Variants in CAND1 observed in about 807,000 individuals in gnomAD.
CAND1 encodes cullin associated and neddylation dissociated 1, also known as cullin-associated NEDD8-dissociated protein 1.
Under a neutral mutation model 108.5 loss-of-function variants are expected in CAND1, and 7 were observed. The observed-to-expected ratio is 0.06, with a 90% CI of 0.04 to 0.12. The LOEUF (loss-of-function observed/expected upper bound fraction) is 0.12. CAND1 is among the 10% of genes least tolerant of loss of function. The pLI is 1.00. For synonymous variants in CAND1, 534 were observed against 512.0 expected, an observed-to-expected ratio of 1.04 and a Z score of -0.58; for missense variants, 941 against 1,448.7, an observed-to-expected ratio of 0.65 and a Z score of 5.69.
chr12:67,279,165 C>G (rs563859917), intron 1 of CAND1, among the ~76,000 whole-genome samples: 285 of 114,010 alleles, frequency 2.5e-3, no homozygotes, highest in Admixed American at 4.3e-3. Context: ...CTCTGTCCTT[C>G]CCCACCACCA....
At chr12:67,277,840 C>T (rs2044584114) in intron 1 of CAND1, among the ~76,000 whole-genome samples, 1 of 152,122 alleles carries the variant, frequency 6.6e-6, no homozygotes, top group African/African-American at 2.4e-5. Flanking sequence ...TTGCCATAAC[C>T]TAAGTCAGGC....
Position 67,295,052 on chromosome 12 carries a change from T to C in CAND1, c.387T>C (p.Asn129=). 6.2e-7 allele frequency: 1 copy of C among 1,612,600 alleles called. No individual in the cohort carries two copies. Among genetic ancestry groups the C allele is most frequent in the South Asian group, 1.1e-5 (1 of 90,940 alleles). Residue 129 remains asparagine, a synonymous_variant, in exon 4 of 15, where the codon AAT becomes AAC. Transcript: ENST00000545606. The part of the protein sequence containing the change: ...PASSGSALAA[N]VCKKITGRLT... Reference sequence around the variant, plus strand: ...ATGCAGGCTCTGCATTAGCTGCTAATGTATGTAAAAAGATTACTGGACGTC... The same window carrying C: ...ATGCAGGCTCTGCATTAGCTGCTAACGTATGTAAAAAGATTACTGGACGTC...
intron 14 of CAND1, among the ~76,000 whole-genome samples, chr12:67,312,055 G>A (rs982564760): frequency 4.6e-5 from 7 of 152,084 alleles, no homozygotes; most frequent in Non-Finnish European, 2.9e-5. Context: ...ACTGATATGG[G>A]ATAAAATGTG....
At position 67,313,487 on chromosome 12, in the gene CAND1, A is replaced by G. The variant is rs2044975851; in HGVS notation, c.*657A>G. 6.6e-6 allele frequency: 1 copy of G among 152,644 alleles called. No homozygotes were observed. The highest frequency in any genetic ancestry group is 2.1e-4 in the South Asian group (1 of 4,834). 9.5% of individuals were successfully genotyped at this position (152,644 alleles called of 1,614,324 possible). A position where few individuals can be genotyped will look rare whatever the true frequency, so the allele number is the denominator to read the frequency against. On this transcript the variant is annotated 3_prime_UTR_variant, in exon 15 of 15. Coordinates refer to ENST00000545606, the MANE Select transcript of CAND1 (RefSeq NM_018448.5). ...AGCATGTGCAGATTATTCATAATAT[A>G]GAAGTTAAAATAAGTATTAGTGCAA...
intron 2 of CAND1, among the ~76,000 whole-genome samples, chr12:67,287,178 C>T (rs1246982850): frequency 6.6e-6 from 1 of 152,178 alleles, no homozygotes; most frequent in Non-Finnish European, 1.5e-5. Flanking sequence ...GCATTCCCAC[C>T]TCTCCCAATT....
At chr12:67,297,696 T>G in intron 5 of CAND1, 33 bp downstream of exon 5, 1 of 1,590,224 alleles carries the variant, frequency 6.3e-7, no homozygotes. Context: ...ACAGTTTTCT[T>G]TAATTAAAAA....
At chr12:67,285,699 C>T (rs1444818736) in intron 2 of CAND1, among the ~76,000 whole-genome samples, 3 of 152,122 alleles carry the variant, frequency 2.0e-5, no homozygotes, top group Admixed American at 2.0e-4. Flanking sequence ...CATACAACAT[C>T]TCCAATCAAG....
At chr12:67,284,063 AC>A in intron 2 of CAND1, among the ~76,000 whole-genome samples, 1 of 152,298 alleles carries the variant, frequency 6.6e-6, no homozygotes, top group South Asian at 2.1e-4. Flanking sequence ...GAAAAATTGA[AC>A]AAAAACTTTC....
chr12:67,290,777 C>T (rs1487061284), intron 2 of CAND1, among the ~76,000 whole-genome samples: 1 of 152,086 alleles, frequency 6.6e-6, no homozygotes, highest in African/African-American at 2.4e-5. Context: ...AACCCTGGGC[C>T]ATGGACCCAT....
At position 67,316,575 on chromosome 12, in the gene CAND1, A is replaced by G. The variant is rs1177302180; in HGVS notation, c.*3745A>G. The G allele has an allele frequency of 6.6e-6, 1 of 152,204 alleles. No homozygotes were observed. Among genetic ancestry groups the G allele is most frequent in the Non-Finnish European group, 1.5e-5 (1 of 68,020 alleles). 9.4% of individuals were successfully genotyped at this position (152,204 alleles called of 1,614,324 possible). A position where few individuals can be genotyped will look rare whatever the true frequency, so the allele number is the denominator to read the frequency against. Reference sequence around the variant, plus strand: ...ATATAATTTTACTTTTTTGGACCCTATAATGCCAGTGTGTCAGGTTTCAGA... The same window carrying G: ...ATATAATTTTACTTTTTTGGACCCTGTAATGCCAGTGTGTCAGGTTTCAGA... On this transcript the variant is annotated 3_prime_UTR_variant, in exon 15 of 15. Transcript: ENST00000545606.
In CAND1 at chr12:67,297,565, A is replaced by G. The variant is rs1208936635; in HGVS notation, c.650A>G (p.His217Arg). Residue 217 changes from histidine (H) to arginine (R), a missense_variant, in exon 5 of 15, where the codon CAT becomes CGT. By Grantham distance (29) the His-to-Arg change is conservative (BLOSUM62 0). Coordinates refer to ENST00000545606, the MANE Select transcript of CAND1 (RefSeq NM_018448.5). ...GNIVFVDLIEHLLSELSKNDS... is the reference protein window; with the variant it reads ...GNIVFVDLIERLLSELSKNDS... ...ATAGTTTTTGTAGATCTTATTGAAC[A>G]TCTGTTGTCAGAGTTGTCCAAAAAT... The G allele has an allele frequency of 1.9e-6, 3 of 1,613,948 alleles. No homozygotes were observed. Among genetic ancestry groups the G allele is most frequent in the Non-Finnish European group, 2.5e-6 (3 of 1,179,988 alleles).
intron 1 of CAND1, among the ~76,000 whole-genome samples, chr12:67,281,109 CTTATAAA>C (rs1347639549): frequency 6.7e-6 from 1 of 150,272 alleles, no homozygotes; most frequent in Admixed American, 6.6e-5. Context: ...TAAATTATTT[CTTATAAA>C]TTATAATTAT....
chr12:67,302,857 C>T (rs1004120089), intron 8 of CAND1, among the ~76,000 whole-genome samples: 1 of 152,092 alleles, frequency 6.6e-6, no homozygotes, highest in Non-Finnish European at 1.5e-5. Flanking sequence ...TAGTCTTTAT[C>T]TTTGATGTTA....
chr12:67,294,308 A>T (rs1489855159), intron 3 of CAND1, among the ~76,000 whole-genome samples: 1 of 152,146 alleles, frequency 6.6e-6, no homozygotes, highest in African/African-American at 2.4e-5. Context: ...ATTCTGATTT[A>T]TGAGTCCTGG....
Position 67,295,080 on chromosome 12 carries a change from A to G in CAND1, c.415A>G (p.Thr139Ala). Residue 139 changes from threonine to alanine, a missense_variant, in exon 4 of 15, where the codon ACA becomes GCA. This residue lies in a region of CAND1 where 697 missense variants were observed against 942.0 expected (regional missense o/e 0.74). Transcript: ENST00000545606. ...NVCKKITGRL[T>A]SAIAKQEDVS... ...ATGTAAAAAGATTACTGGACGTCTT[A>G]CAAGTGCAATAGCAAAACAGGAAGA... 6.2e-7 allele frequency: 1 copy of G among 1,613,146 alleles called. No homozygotes were observed. Among genetic ancestry groups the G allele is most frequent in the Non-Finnish European group, 8.5e-7 (1 of 1,179,358 alleles).
chr12:67,270,494 A>G (rs188254118), intron 1 of CAND1: 3 of 152,268 alleles, frequency 2.0e-5, no homozygotes, highest in South Asian at 2.1e-4. Context: ...CTCATATCCA[A>G]AATCACTGCC....
chr12:67,306,618 A>T (rs34019113), intron 10 of CAND1, 21 bp downstream of exon 10: 93,953 of 1,542,790 alleles, frequency 0.061, 3,478 homozygotes, highest in Admixed American at 0.15. Context: ...AGATTTTCTT[A>T]CTTAAAAAGT....
intron 6 of CAND1, 109 bp downstream of exon 6, chr12:67,297,962 A>G: frequency 5.3e-6 from 3 of 570,608 alleles, no homozygotes; most frequent in Non-Finnish European, 9.2e-6. Context: ...TTTCAGATAT[A>G]ACAGACAATA....
intron 3 of CAND1, among the ~76,000 whole-genome samples, chr12:67,293,444 A>T (rs1395667457): frequency 6.6e-6 from 1 of 152,200 alleles, no homozygotes; most frequent in Admixed American, 6.5e-5. Context: ...TCATGGGAAG[A>T]TTTAGATTGG....
Sources: gnomAD v4.1 joint callset for allele counts (sites outside exome capture counted in the v4.1 genomes callset) on GRCh38, gnomAD v4.1.1 for gene constraint, gnomAD v4.1.1 regional missense constraint, MANE v1.5 for transcripts, NCBI Gene and HGNC (gene_info 2026-07-23, HGNC 2026-07-21) for gene names.